Variants in MKLN1 observed in about 807,000 individuals in gnomAD.
MKLN1 encodes the protein muskelin 1.
Under a neutral mutation model 99.0 loss-of-function variants are expected in MKLN1, and 18 were observed. That is an observed-to-expected ratio of 0.18 (90% CI 0.13 to 0.27). The LOEUF (loss-of-function observed/expected upper bound fraction) is 0.27. Among genes scored for constraint, MKLN1 ranks in the 10% least tolerant of loss-of-function variants. The pLI is 1.00. For missense variants in MKLN1, 621 were observed against 875.9 expected (o/e 0.71, Z 3.67); for synonymous variants, 288 against 293.2 (o/e 0.98, Z 0.18).
intron 3 of MKLN1, chr7:131,310,706 G>A (rs746634644): frequency 6.6e-6 from 1 of 152,118 alleles, no homozygotes; most frequent in Non-Finnish European, 1.5e-5. Context: ...AAAGCAGTCT[G>A]GTCATATCTG....
intron 8 of MKLN1, among the ~76,000 whole-genome samples, chr7:131,426,308 C>T (rs1205836127): frequency 6.6e-6 from 1 of 152,168 alleles, no homozygotes; most frequent in Admixed American, 6.5e-5. Context: ...TGCCCAGAAA[C>T]ACTATAAAAC....
intron 3 of MKLN1, among the ~76,000 whole-genome samples, chr7:131,260,875 CA>C (rs1486936061): frequency 6.7e-6 from 1 of 148,228 alleles, no homozygotes; most frequent in Non-Finnish European, 1.5e-5. Flanking sequence ...ACAAAGTCAA[CA>C]AAAACATGCA....
intron 2 of MKLN1, among the ~76,000 whole-genome samples, chr7:131,192,243 A>G (rs1462008132): frequency 1.1e-5 from 1 of 93,722 alleles, no homozygotes; most frequent in African/African-American, 4.6e-5. Context: ...ATATAAATAT[A>G]TAAAATATAA....
intron 1 of MKLN1, among the ~76,000 whole-genome samples, chr7:131,355,673 T>C (rs866040179): frequency 7.2e-6 from 1 of 139,304 alleles, no homozygotes; most frequent in Non-Finnish European, 1.5e-5. Context: ...GGGTTTTTTG[T>C]TTTTTTTTTT....
rs1296804896 is a variant in MKLN1, at chr7:131,194,011, T to TG, written c.-296-8846_-296-8845insG. ...TTTTCTTGCTTTGTTTTGTTTTTTT[T>TG]TTTTTTTTTCCAGAAACAGGATCTC... On this transcript the variant is annotated intron_variant, in intron 2 of 7. Coordinates refer to the MKLN1 transcript ENST00000416992. 3.5e-4 allele frequency among the ~76,000 whole-genome samples: 53 copies of TG among 151,068 alleles called. 1 individual carries two copies. The highest frequency in any genetic ancestry group is 2.5e-3 in the Admixed American group (38 of 15,188).
At chr7:131,250,343 G>T (rs564115321) in intron 3 of MKLN1, among the ~76,000 whole-genome samples, 18 of 152,318 alleles carry the variant, frequency 1.2e-4, no homozygotes, top group African/African-American at 4.3e-4. Flanking sequence ...CAACTCAGTG[G>T]AGTTGGGGAC....
At chr7:131,250,483 G>A (rs1030889433) in intron 3 of MKLN1, among the ~76,000 whole-genome samples, 2 of 152,116 alleles carry the variant, frequency 1.3e-5, no homozygotes, top group African/African-American at 4.8e-5. Flanking sequence ...CAGATGAGAG[G>A]TCTCTAGTAC....
chr7:131,420,002 T>TA (rs1451461790), intron 8 of MKLN1, among the ~76,000 whole-genome samples: 2 of 152,194 alleles, frequency 1.3e-5, no homozygotes, highest in Non-Finnish European at 2.9e-5. Context: ...GAAGTGATTA[T>TA]AGCATTGGCT....
In MKLN1 at chr7:131,322,557, CTTTTTTTT is replaced by C. The variant is rs574246814; in HGVS notation, c.-178-52850_-178-52843del. On this transcript the variant is annotated intron_variant, in intron 3 of 7. Coordinates refer to the MKLN1 transcript ENST00000416992. ...AAGCCAGAAAGGGAACTGCCAAACA[CTTTTTTTT>C]TTTTTTTTTTTTTTTTGAGACGGAG... Among the ~76,000 whole-genome samples the C allele has an allele frequency of 7.7e-3, 737 of 95,112 alleles. 9 individuals carry two copies. Among genetic ancestry groups the C allele is most frequent in the African/African-American group, 0.025 (692 of 27,514 alleles). The allele number at this position is 95,112 out of a possible 152,430, so 62.4% of individuals were successfully genotyped here. A position where few individuals can be genotyped will look rare whatever the true frequency, so the allele number is the denominator to read the frequency against.
In MKLN1 at chr7:131,392,893, C is replaced by T. The variant is rs557446765; in HGVS notation, c.400+3921C>T. Among the ~76,000 whole-genome samples, 6 of 152,000 alleles carry T rather than the reference C, an allele frequency of 3.9e-5. No individual in the cohort carries two copies. In the East Asian group the frequency reaches 5.8e-4, roughly 15 times the overall value. On this transcript the variant is annotated intron_variant, in intron 4 of 17. Transcript: ENST00000352689. ...GTGCTGGGATTACAGGCGTGAGCCA[C>T]TGCGCCTGGCCTAATTTTTTTTTTT...
At chr7:131,320,903 T>C (rs1419429138) in intron 3 of MKLN1, among the ~76,000 whole-genome samples, 1 of 152,214 alleles carries the variant, frequency 6.6e-6, no homozygotes, top group African/African-American at 2.4e-5. Context: ...CCAGTTAGAA[T>C]GGCAATTATT....
intron 3 of MKLN1, among the ~76,000 whole-genome samples, chr7:131,230,842 C>A (rs1019459435): frequency 1.2e-4 from 18 of 152,086 alleles, no homozygotes; most frequent in African/African-American, 3.6e-4. Context: ...CTCTTTTGGC[C>A]GGGCACAGTG....
chr7:131,412,619 G>A (rs564486846), intron 7 of MKLN1, among the ~76,000 whole-genome samples: 2 of 152,260 alleles, frequency 1.3e-5, no homozygotes, highest in South Asian at 2.1e-4. Context: ...ACTTGAAATC[G>A]GATCCAGAGT....
At chr7:131,317,926 T>C (rs1217643149) in intron 3 of MKLN1, among the ~76,000 whole-genome samples, 2 of 152,118 alleles carry the variant, frequency 1.3e-5, no homozygotes, top group Admixed American at 6.6e-5. Flanking sequence ...TAAATATATA[T>C]GCACCCAATA....
At chr7:131,148,203 C>T (rs1016782927) in intron 2 of MKLN1, among the ~76,000 whole-genome samples, 8 of 152,088 alleles carry the variant, frequency 5.3e-5, no homozygotes, top group African/African-American at 1.9e-4. Context: ...CATGAACTAC[C>T]ACATCTGCAG....
chr7:131,176,818 C>G (rs529069909), intron 2 of MKLN1, among the ~76,000 whole-genome samples: 60 of 152,280 alleles, frequency 3.9e-4, no homozygotes, highest in African/African-American at 1.4e-3. Context: ...GAGGCCCATT[C>G]GAGAAAAGCT....
chr7:131,302,930 A>G (rs942423728), intron 3 of MKLN1, among the ~76,000 whole-genome samples: 5 of 152,068 alleles, frequency 3.3e-5, no homozygotes, highest in African/African-American at 7.2e-5. Flanking sequence ...CAGGTCTACA[A>G]TCTGTATCGT....
chr7:131,172,380 A>T (rs1241054769), intron 2 of MKLN1, among the ~76,000 whole-genome samples: 1 of 150,996 alleles, frequency 6.6e-6, no homozygotes, highest in Admixed American at 6.6e-5. Context: ...CAGTGGCGTG[A>T]TCTCGGCTCA....
intron 1 of MKLN1, among the ~76,000 whole-genome samples, chr7:131,119,224 C>G (rs186047038): frequency 1.3e-5 from 2 of 152,346 alleles, no homozygotes; most frequent in Non-Finnish European, 2.9e-5. Context: ...CCATGCAAGT[C>G]CAGAACTCCA....
Sources: allele counts gnomAD v4.1 joint callset (sites outside exome capture counted in the v4.1 genomes callset), GRCh38; gene constraint gnomAD v4.1.1; transcripts MANE v1.5; gene names NCBI Gene and HGNC (gene_info 2026-07-23, HGNC 2026-07-21).